Variants in ZNF805 observed in about 807,000 individuals in gnomAD.
The protein encoded by ZNF805 is zinc finger protein 805, also known as CTC-444N24.8.
A neutral mutation model predicts 13.6 loss-of-function variants in ZNF805; 7 were observed. The observed-to-expected ratio is 0.51, with a 90% CI of 0.29 to 0.97. ZNF805 has a LOEUF of 0.97. Among genes scored for constraint, ZNF805 ranks in the 50% least tolerant of loss-of-function variants. The pLI, the probability that ZNF805 is intolerant of heterozygous loss-of-function variation, is 0.08. For missense variants in ZNF805, 604 were observed against 771.0 expected, an observed-to-expected ratio of 0.78 and a Z score of 2.57; for synonymous variants, 293 against 279.8, an observed-to-expected ratio of 1.05 and a Z score of -0.47.
At position 57,257,698 on chromosome 19, in the gene ZNF805, C is replaced by CTTTTTT. The variant is rs869290620; in HGVS notation, c.*3015_*3020dup. 2.3e-4 allele frequency among the ~76,000 whole-genome samples: 8 copies of CTTTTTT among 35,092 alleles called. No individual in the cohort carries two copies. The highest frequency in any genetic ancestry group is 6.7e-4 in the East Asian group (1 of 1,484). 23.0% of individuals were successfully genotyped at this position (35,092 alleles called of 152,430 possible). ...GTGGTTTTATATCCAGTTTGCGTAT[C>CTTTTTT]TTTTTTTTTTTTTTTTTTTTTTTTT... On this transcript the variant is annotated 3_prime_UTR_variant, in exon 4 of 4. Transcript: ENST00000414468.
intron 2 of ZNF805, among the ~76,000 whole-genome samples, chr19:57,245,434 G>A (rs888165611): frequency 6.6e-6 from 1 of 152,112 alleles, no homozygotes; most frequent in East Asian, 1.9e-4. Flanking sequence ...CAGGGACGAT[G>A]TTGAGCTTCA....
At position 57,253,639 on chromosome 19, in the gene ZNF805, C is replaced by T; in HGVS notation, c.820C>T (p.Leu274Phe). 1 of 1,613,796 alleles carries T rather than the reference C, an allele frequency of 6.2e-7. No individual in the cohort carries two copies. Among genetic ancestry groups the T allele is most frequent in the Non-Finnish European group, 8.5e-7 (1 of 1,179,924 alleles). Residue 274 changes from leucine to phenylalanine, a missense_variant, in exon 4 of 4, where the codon CTT (leucine) becomes TTT (phenylalanine). This residue lies in a region of ZNF805 where 327 missense variants were observed against 378.2 expected (regional missense o/e 0.86). Coordinates refer to ENST00000414468, the MANE Select transcript of ZNF805 (RefSeq NM_001023563.4). This position sits in a 1 kb window ranked among gnomAD's most constrained non-coding sequence, Gnocchi z 4.4. ...CGKAFNRKSH[L>F]TQHQRIHSGE... ...GAAGGCTTTTAATCGGAAGTCACAC[C>T]TTACCCAGCACCAGCGGATTCACAG... is the stretch of plus-strand genomic sequence containing the variant.
intron 2 of ZNF805, among the ~76,000 whole-genome samples, chr19:57,245,512 G>A (rs539508968): frequency 1.2e-3 from 176 of 152,266 alleles, no homozygotes; most frequent in African/African-American, 3.9e-3. Flanking sequence ...AGGTGCGATA[G>A]CTCATGCCTG....
In ZNF805 at chr19:57,255,666, CATT is replaced by C. The variant is rs1179518055; in HGVS notation, c.*967_*969del. Among the ~76,000 whole-genome samples, 1 of 152,074 alleles carries C rather than the reference CATT, an allele frequency of 6.6e-6. No individual in the cohort carries two copies. Among genetic ancestry groups the C allele is most frequent in the African/African-American group, 2.4e-5 (1 of 41,442 alleles). On this transcript the variant is annotated 3_prime_UTR_variant, in exon 4 of 4. Transcript: ENST00000414468. Reference sequence around the variant, plus strand: ...CATGATGTTGGCTAGTATACAGAAACATTATTTTTTCAATCTTATTTTGCTGTC... The same window carrying C: ...CATGATGTTGGCTAGTATACAGAAACATTTTTTCAATCTTATTTTGCTGTC...
Position 57,245,451 on chromosome 19 carries a change from A to G in ZNF805, c.157+1402A>G, listed in dbSNP as rs563424432. Among the ~76,000 whole-genome samples, 11 of 152,240 alleles carry G rather than the reference A, an allele frequency of 7.2e-5. No individual in the cohort carries two copies. The East Asian group carries it at 2.1e-3, about 30-fold the overall frequency. On this transcript the variant is annotated intron_variant, in intron 2 of 3. Transcript: ENST00000414468. Reference sequence around the variant, plus strand: ...GGGACGATGTTGAGCTTCAGTGGACACTGGGCAATGTGTGGAGACATTTTG... The same window carrying G: ...GGGACGATGTTGAGCTTCAGTGGACGCTGGGCAATGTGTGGAGACATTTTG...
chr19:57,249,798 C>T (rs1212178833), intron 3 of ZNF805, among the ~76,000 whole-genome samples: 1 of 151,100 alleles, frequency 6.6e-6, no homozygotes, highest in Non-Finnish European at 1.5e-5. Flanking sequence ...GTCCCACACT[C>T]AGGCTGCTGA....
chr19:57,246,774 CAAAAA>C (rs1168593434), intron 2 of ZNF805, among the ~76,000 whole-genome samples: 2 of 86,242 alleles, frequency 2.3e-5, no homozygotes, highest in African/African-American at 3.7e-5. Flanking sequence ...GACTTCGTCT[CAAAAA>C]AAAAAAAAAA....
Position 57,246,774 on chromosome 19 carries a change from CAAAAAAAAAAAA to C in ZNF805, c.158-1823_158-1812del, listed in dbSNP as rs1168593434. On this transcript the variant is annotated intron_variant, in intron 2 of 3. Transcript: ENST00000414468. ...CTGATGACAGAGCGAGACTTCGTCT[CAAAAAAAAAAAA>C]AAAAAAAGAAAAGCAGTTAACAGTC... Among the ~76,000 whole-genome samples, 353 of 86,254 alleles carry C rather than the reference CAAAAAAAAAAAA, an allele frequency of 4.1e-3. 2 individuals are homozygous for C. The highest frequency in any genetic ancestry group is 0.013 in the African/African-American group (340 of 26,988). The allele number at this position is 86,254 out of a possible 152,430, so 56.6% of individuals were successfully genotyped here. A position where few individuals can be genotyped will look rare whatever the true frequency, so the allele number is the denominator to read the frequency against.
At position 57,256,510 on chromosome 19, in the gene ZNF805, T is replaced by C. The variant is rs1458267403; in HGVS notation, c.*1807T>C. On this transcript the variant is annotated 3_prime_UTR_variant, in exon 4 of 4. Transcript: ENST00000414468. ...TTATGTATTTATTTTATTTAATAGG[T>C]ATAGAACTATTCAGAGTATTTCATA... Among the ~76,000 whole-genome samples the C allele has an allele frequency of 6.6e-6, 1 of 152,182 alleles. No homozygotes were observed. The highest frequency in any genetic ancestry group is 1.9e-4 in the East Asian group (1 of 5,206).
intron 3 of ZNF805, among the ~76,000 whole-genome samples, chr19:57,249,395 A>C (rs375993931): frequency 6.6e-6 from 1 of 152,234 alleles, no homozygotes; most frequent in Admixed American, 6.5e-5. Context: ...AAATGATATT[A>C]GAAATTATTT....
rs936582697 is a variant in ZNF805 at position 57,260,103 on chromosome 19, C to A, written c.*5400C>A. On this transcript the variant is annotated 3_prime_UTR_variant, in exon 4 of 4. Coordinates refer to ENST00000414468, the MANE Select transcript of ZNF805 (RefSeq NM_001023563.4). ...TCCAGCTCTGTAAGCCTTGTTATAT[C>A]CTCAATGGAGAAGGGGTCATTCCTT... Among the ~76,000 whole-genome samples the A allele has an allele frequency of 6.6e-6, 1 of 152,166 alleles. No individual in the cohort carries two copies. The highest frequency in any genetic ancestry group is 1.5e-5 in the Non-Finnish European group (1 of 68,024).
rs755677399 is a variant in ZNF805 at position 57,248,613 on chromosome 19, G to A, written c.166G>A (p.Val56Ile). 1.3e-6 allele frequency: 2 copies of A among 1,590,898 alleles called. No homozygotes were observed. Among genetic ancestry groups the A allele is most frequent in the African/African-American group, 1.3e-5 (1 of 74,774 alleles). Residue 56 changes from valine to isoleucine, a missense_variant, in exon 3 of 4, where the codon GTT (valine) becomes ATT (isoleucine). Val to Ile is a conservative substitution (Grantham distance 29). Coordinates refer to ENST00000414468, the MANE Select transcript of ZNF805 (RefSeq NM_001023563.4). The part of the protein sequence containing the change: ...CGLLVSLGCP[V>I]PRPELIYHLE... ...GCTTTCTCCATAAACAGGGTGTCCT[G>A]TTCCCAGACCTGAGCTGATCTACCA...
At position 57,248,627 on chromosome 19, in the gene ZNF805, G is replaced by A; in HGVS notation, c.180G>A (p.Glu60=). ...VSLGCPVPRP[E]LIYHLEHGQE... ...CAGGGTGTCCTGTTCCCAGACCTGAGCTGATCTACCACCTAGAGCATGGGC... is the reference window on the plus strand; with the variant it reads ...CAGGGTGTCCTGTTCCCAGACCTGAACTGATCTACCACCTAGAGCATGGGC... The change falls in exon 3 of 4, where the codon GAG becomes GAA. Residue 60 remains glutamate (E), a synonymous_variant. Transcript: ENST00000414468. The A allele has an allele frequency of 6.3e-7, 1 of 1,597,954 alleles. No homozygotes were observed. The highest frequency in any genetic ancestry group is 8.5e-7 in the Non-Finnish European group (1 of 1,171,548).
rs2087575074 is a variant in ZNF805 at position 57,240,885 on chromosome 19, TCCC to T, written c.-6_-4del. On this transcript the variant is annotated 5_prime_UTR_variant, in exon 1 of 4. Transcript: ENST00000414468. Reference sequence around the variant, plus strand: ...CCCCCGCCCCGCTAGGGCCACAGGGTCCCGGTATGGCGATGGCTTTGACGGACC... The same window carrying T: ...CCCCCGCCCCGCTAGGGCCACAGGGTGGTATGGCGATGGCTTTGACGGACC... The T allele has an allele frequency of 1.3e-6, 2 of 1,553,042 alleles. No individual in the cohort carries two copies. The highest frequency in any genetic ancestry group is 1.7e-6 in the Non-Finnish European group (2 of 1,148,148).
chr19:57,245,797 A>C (rs1398577940), intron 2 of ZNF805, among the ~76,000 whole-genome samples: 2 of 151,960 alleles, frequency 1.3e-5, no homozygotes, highest in Non-Finnish European at 2.9e-5. Flanking sequence ...AAAAAACCTA[A>C]GATGATAACA....
Position 57,257,015 on chromosome 19 carries a change from C to T in ZNF805, c.*2312C>T, listed in dbSNP as rs2087691410. ...ATTATCTTACTCAGTTCTAAGATTG[C>T]CTGATTCCTTTTGAGACATCTTCTC... On this transcript the variant is annotated 3_prime_UTR_variant, in exon 4 of 4. Transcript: ENST00000414468. 6.6e-6 allele frequency among the ~76,000 whole-genome samples: 1 copy of T among 152,052 alleles called. No homozygotes were observed. Among genetic ancestry groups the T allele is most frequent in the South Asian group, 2.1e-4 (1 of 4,820 alleles).
In ZNF805 at chr19:57,243,923, G is replaced by A. The variant is rs1313719486; in HGVS notation, c.31G>A (p.Val11Met). MAMALTDPAQ[V>M]SVTFDDVAVT... ...CTACTACCTCTATTTGACATTTCAG[G>A]TGTCTGTGACCTTTGATGATGTGGC... Residue 11 changes from valine (V) to methionine (M), a missense_variant and splice_region_variant, in exon 2 of 4, where the codon GTG becomes ATG. Val to Met is a conservative substitution (Grantham distance 21). This residue lies in a region of ZNF805 where 327 missense variants were observed against 378.2 expected (regional missense o/e 0.86). Coordinates refer to ENST00000414468, the MANE Select transcript of ZNF805 (RefSeq NM_001023563.4). The A allele has an allele frequency of 1.9e-6, 3 of 1,614,132 alleles. No homozygotes were observed. Among genetic ancestry groups the A allele is most frequent in the Non-Finnish European group, 1.7e-6 (2 of 1,180,038 alleles).
At chr19:57,245,506 G>A (rs1270852929) in intron 2 of ZNF805, among the ~76,000 whole-genome samples, 1 of 152,150 alleles carries the variant, frequency 6.6e-6, no homozygotes, top group Non-Finnish European at 1.5e-5. Flanking sequence ...TGGGCCAGGT[G>A]CGATAGCTCA....
chr19:57,243,109 G>A (rs77795006), intron 1 of ZNF805, among the ~76,000 whole-genome samples: 1 of 152,274 alleles, frequency 6.6e-6, no homozygotes, highest in African/African-American at 2.4e-5. Flanking sequence ...CCAGCTACTT[G>A]GGCGGCTAAG....
Sources: gnomAD v4.1 joint callset for allele counts (sites outside exome capture counted in the v4.1 genomes callset) on GRCh38, gnomAD v4.1.1 for gene constraint, gnomAD v4.1.1 regional missense constraint, Gnocchi (gnomAD v3.1) non-coding constraint, MANE v1.5 for transcripts, NCBI Gene and HGNC (gene_info 2026-07-23, HGNC 2026-07-21) for gene names.